The following NXPH2 variants were observed in gnomAD, a reference collection of about 807,000 sequenced individuals.
The protein encoded by NXPH2 is neurexophilin 2.
A neutral mutation model predicts 19.8 loss-of-function variants in NXPH2; 5 were observed. That is an observed-to-expected ratio of 0.25 (90% CI 0.13 to 0.53). NXPH2 has a LOEUF of 0.53. Ranked by LOEUF, NXPH2 falls within the 20% of genes least tolerant of loss-of-function variation. NXPH2 has a pLI of 0.96. For synonymous variants in NXPH2, 154 were observed against 127.4 expected, an observed-to-expected ratio of 1.21 and a Z score of -1.41; for missense variants, 289 against 322.8, an observed-to-expected ratio of 0.90 and a Z score of 0.80.
At chr2:138,724,122 T>C (rs1681320945) in intron 1 of NXPH2, among the ~76,000 whole-genome samples, 1 of 152,148 alleles carries the variant, frequency 6.6e-6, no homozygotes, top group South Asian at 2.1e-4. Context: ...CCTCAGTGTG[T>C]GTTGTTCCCC....
chr2:138,739,192 T>C (rs1681606013), intron 1 of NXPH2, among the ~76,000 whole-genome samples: 1 of 152,130 alleles, frequency 6.6e-6, no homozygotes, highest in African/African-American at 2.4e-5. Flanking sequence ...ATAATAATAA[T>C]GGTAATGTGC....
chr2:138,740,583 C>G (rs1296212384), intron 1 of NXPH2, among the ~76,000 whole-genome samples: 1 of 152,084 alleles, frequency 6.6e-6, no homozygotes, highest in Non-Finnish European at 1.5e-5. Context: ...TTACGTAACT[C>G]TTTTTAATAA....
chr2:138,725,070 G>A lies in NXPH2; in HGVS notation c.52-53405C>T, dbSNP rs7566136. On this transcript the variant is annotated intron_variant, in intron 1 of 1. Transcript: ENST00000272641. ...AGAAAGATAAACCAATACATAGCAC[G>A]ATTAAAACAAATCTATATTTGCTTT... Among the ~76,000 whole-genome samples, 394 of 152,260 alleles carry A rather than the reference G, an allele frequency of 2.6e-3. 1 individual carries two copies. The highest frequency in any genetic ancestry group is 8.6e-3 in the African/African-American group (356 of 41,550).
intron 1 of NXPH2, among the ~76,000 whole-genome samples, chr2:138,709,046 C>A (rs1226681472): frequency 6.6e-6 from 1 of 152,220 alleles, no homozygotes; most frequent in Admixed American, 6.5e-5. Flanking sequence ...ACTTCAAATA[C>A]TCCCCTGGTC....
intron 1 of NXPH2, among the ~76,000 whole-genome samples, chr2:138,727,537 A>T (rs1012687390): frequency 6.6e-6 from 1 of 151,704 alleles, no homozygotes; most frequent in Non-Finnish European, 1.5e-5. Context: ...TACCATCTGC[A>T]TATCTTCTTT....
At chr2:138,710,654 G>C (rs1349619185) in intron 1 of NXPH2, among the ~76,000 whole-genome samples, 1 of 152,118 alleles carries the variant, frequency 6.6e-6, no homozygotes, top group Non-Finnish European at 1.5e-5. Context: ...TAGACTCTAT[G>C]AGATAAATTT....
intron 1 of NXPH2, among the ~76,000 whole-genome samples, chr2:138,730,754 C>T (rs1208770752): frequency 2.6e-5 from 4 of 152,182 alleles, no homozygotes; most frequent in African/African-American, 9.6e-5. Context: ...TCAGCGGGTG[C>T]TCTGTAAAAT....
intron 1 of NXPH2, among the ~76,000 whole-genome samples, chr2:138,683,944 C>T (rs563503946): frequency 2.4e-4 from 37 of 152,170 alleles, no homozygotes; most frequent in African/African-American, 8.7e-4. Flanking sequence ...TCATTATGAT[C>T]CAATATAAAT....
chr2:138,729,178 C>T (rs754813858), intron 1 of NXPH2, among the ~76,000 whole-genome samples: 45 of 152,150 alleles, frequency 3.0e-4, no homozygotes, highest in Non-Finnish European at 5.3e-4. Flanking sequence ...ACCCAAATCT[C>T]ATCTTGAATT....
At position 138,780,388 on chromosome 2, in the gene NXPH2, T is replaced by G; in HGVS notation, c.-147A>C. The G allele has an allele frequency of 6.7e-6, 1 of 149,546 alleles. No individual in the cohort carries two copies. Among genetic ancestry groups the G allele is most frequent in the Non-Finnish European group, 1.4e-5 (1 of 72,460 alleles). 9.3% of individuals were successfully genotyped at this position (149,546 alleles called of 1,614,324 possible). On this transcript the variant is annotated 5_prime_UTR_variant, in exon 1 of 2. Coordinates refer to ENST00000272641, the MANE Select transcript of NXPH2 (RefSeq NM_007226.3). The stretch of plus-strand genomic sequence containing the variant: ...CGAGCGCTGCGCCGTGCCGCGCAGC[T>G]CTGGCCGGGTGGGCGGGCAGGGAAG...
chr2:138,703,757 T>C (rs1156406774), intron 1 of NXPH2, among the ~76,000 whole-genome samples: 1 of 152,214 alleles, frequency 6.6e-6, no homozygotes, highest in Non-Finnish European at 1.5e-5. Flanking sequence ...AACCTATGCT[T>C]AGCATGTAAT....
chr2:138,730,686 T>C (rs1456639516), intron 1 of NXPH2, among the ~76,000 whole-genome samples: 2 of 152,156 alleles, frequency 1.3e-5, no homozygotes, highest in Non-Finnish European at 2.9e-5. Context: ...TTCTAATAAC[T>C]CTAGATGATT....
intron 1 of NXPH2, among the ~76,000 whole-genome samples, chr2:138,763,707 T>C (rs1431626141): frequency 6.6e-6 from 1 of 152,120 alleles, no homozygotes; most frequent in African/African-American, 2.4e-5. Context: ...TTTATGACCA[T>C]ACTGTAAGGA....
intron 1 of NXPH2, among the ~76,000 whole-genome samples, chr2:138,736,313 C>T (rs769449710): frequency 1.3e-5 from 2 of 152,242 alleles, no homozygotes; most frequent in Non-Finnish European, 1.5e-5. Flanking sequence ...TCCATACATC[C>T]TCTGAAATAT....
intron 1 of NXPH2, among the ~76,000 whole-genome samples, chr2:138,726,558 A>ACC (rs1553483786): frequency 2.2e-4 from 30 of 136,094 alleles, no homozygotes; most frequent in African/African-American, 7.1e-4. Context: ...ACACACACAC[A>ACC]CCCTCCAACA....
chr2:138,686,793 T>C (rs151270942), intron 1 of NXPH2, among the ~76,000 whole-genome samples: 4,023 of 152,214 alleles, frequency 0.026, 80 homozygotes, highest in Non-Finnish European at 0.038. Context: ...TGAGTGAGAA[T>C]ATGCGGTGTT....
In NXPH2 at chr2:138,744,446, T is replaced by TA. The variant is rs566070037; in HGVS notation, c.51+35744dup. Among the ~76,000 whole-genome samples the TA allele has an allele frequency of 3.2e-3, 474 of 147,616 alleles. 8 individuals carry two copies. The highest frequency in any genetic ancestry group is 9.7e-3 in the African/African-American group (391 of 40,472). On this transcript the variant is annotated intron_variant, in intron 1 of 1. Coordinates refer to ENST00000272641, the MANE Select transcript of NXPH2 (RefSeq NM_007226.3). ...AGCCTGACTACTTCACATCATTCCT[T>TA]AAAAAAAAAAATAAACTGGCTGTTC...
chr2:138,771,972 T>C (rs1682185704), intron 1 of NXPH2, among the ~76,000 whole-genome samples: 1 of 152,210 alleles, frequency 6.6e-6, no homozygotes, highest in East Asian at 1.9e-4. Context: ...CATGTGCTAC[T>C]AGTAAAGTAA....
At chr2:138,691,747 C>T (rs535012818) in intron 1 of NXPH2, among the ~76,000 whole-genome samples, 2 of 152,314 alleles carry the variant, frequency 1.3e-5, no homozygotes, top group South Asian at 2.1e-4. Context: ...TGAGTGCAAA[C>T]TGCCAGCCAT....
Sources: gnomAD v4.1 joint callset for allele counts (sites outside exome capture counted in the v4.1 genomes callset) on GRCh38, gnomAD v4.1.1 for gene constraint, MANE v1.5 for transcripts, NCBI Gene and HGNC (gene_info 2026-07-23, HGNC 2026-07-21) for gene names.